Variants in PSD2 observed in about 807,000 individuals in gnomAD.
PSD2 encodes the protein PH and SEC7 domain-containing protein 2.
PSD2 carries 38 observed loss-of-function variants against 69.8 expected under a neutral mutation model. The observed-to-expected ratio is 0.54, with a 90% CI of 0.42 to 0.71. The LOEUF (loss-of-function observed/expected upper bound fraction) is 0.71. PSD2 is among the 30% of genes least tolerant of loss of function. The probability of loss-of-function intolerance (pLI) is 0.00; values close to 1 mark genes in which losing one functional copy is unlikely to be tolerated. For synonymous variants in PSD2, 412 were observed against 423.0 expected (o/e 0.97, Z 0.32); for missense variants, 943 against 1,014.5 (o/e 0.93, Z 0.96).
chr5:139,809,234 C>A (rs1759886969), intron 1 of PSD2, among the ~76,000 whole-genome samples, 157 bp from the exon 2 acceptor site: 1 of 152,194 alleles, frequency 6.6e-6, no homozygotes, highest in Non-Finnish European at 1.5e-5. Flanking sequence ...GGCAGCATGG[C>A]CCGAACCCAC....
the PSD2 span, among the ~76,000 whole-genome samples, chr5:139,788,218 C>T: frequency 1.3e-5 from 2 of 151,780 alleles, no homozygotes; most frequent in Admixed American, 1.3e-4. Flanking sequence ...GCCCGGCTCC[C>T]CCAGCCCGAG....
rs544828565 is a variant in PSD2, at chr5:139,814,725, C to T, written c.1016+361C>T. 2.7e-4 allele frequency among the ~76,000 whole-genome samples: 41 copies of T among 152,120 alleles called. No homozygotes were observed. In the East Asian group the frequency reaches 2.9e-3, roughly 11 times the overall value. On this transcript the variant is annotated intron_variant, in intron 4 of 14. Transcript: ENST00000274710. The surrounding 1 kb of genome is among the most constrained non-coding windows in gnomAD (Gnocchi z 4.4). ...CAGGGAGAAAGGAGAACCCGGGCCTCGGGGGACACCTCTGGGACCCAGAGC... is the reference window on the plus strand; with the variant it reads ...CAGGGAGAAAGGAGAACCCGGGCCTTGGGGGACACCTCTGGGACCCAGAGC...
chr5:139,755,593 T>C, the PSD2 span, among the ~76,000 whole-genome samples: 4 of 151,952 alleles, frequency 2.6e-5, no homozygotes, highest in South Asian at 8.4e-4. Context: ...GTGTCTGTCC[T>C]GCTTCTGGGT....
intron 8 of PSD2, among the ~76,000 whole-genome samples, chr5:139,835,216 C>A (rs527638773): frequency 1.3e-5 from 2 of 152,090 alleles, no homozygotes; most frequent in South Asian, 4.2e-4. Context: ...TTTGCCCACC[C>A]ATATCCTCAT....
At chr5:139,799,117 C>A (rs1759602415) in intron 1 of PSD2, among the ~76,000 whole-genome samples, 1 of 152,146 alleles carries the variant, frequency 6.6e-6, no homozygotes. Flanking sequence ...CTTCTCAGTG[C>A]ATGATATTGG....
At chr5:139,778,015 G>A in the PSD2 span, among the ~76,000 whole-genome samples, 2 of 152,234 alleles carry the variant, frequency 1.3e-5, no homozygotes, top group South Asian at 4.1e-4. Context: ...GGCAAACCCA[G>A]GCCCCCATGG....
At chr5:139,751,954 G>C in the PSD2 span, among the ~76,000 whole-genome samples, 1 of 151,890 alleles carries the variant, frequency 6.6e-6, no homozygotes, top group Non-Finnish European at 1.5e-5. Flanking sequence ...CACCATGCCC[G>C]GCTAATGTTA....
chr5:139,766,835 CTT>C, the PSD2 span, among the ~76,000 whole-genome samples: 1,572 of 138,194 alleles, frequency 0.011, 87 homozygotes, highest in Non-Finnish European at 0.015. Flanking sequence ...TTCCTTCTTT[CTT>C]TCTTTCTTTC....
chr5:139,835,637 C>T (rs959894020), intron 8 of PSD2, 86 bp from the exon 9 acceptor site: 2 of 1,387,028 alleles, frequency 1.4e-6, no homozygotes, highest in Non-Finnish European at 2.1e-6. Context: ...AAGGTGCTCC[C>T]TCACTGTACC....
intron 1 of PSD2, among the ~76,000 whole-genome samples, chr5:139,798,388 CTGGGCTGGCCTG>C (rs1311546409): frequency 1.3e-5 from 2 of 152,314 alleles, no homozygotes; most frequent in Admixed American, 6.5e-5. Context: ...CCTGCCTGGC[CTGGGCTGGCCTG>C]TGGGCTGGCC....
At chr5:139,786,338 G>A in the PSD2 span, among the ~76,000 whole-genome samples, 3 of 152,026 alleles carry the variant, frequency 2.0e-5, no homozygotes, top group Non-Finnish European at 2.9e-5. Context: ...AGCGAACAAA[G>A]ATCGCTGCCA....
At chr5:139,759,204 T>G in the PSD2 span, among the ~76,000 whole-genome samples, 1 of 152,092 alleles carries the variant, frequency 6.6e-6, no homozygotes, top group Non-Finnish European at 1.5e-5. Flanking sequence ...GCTGGGTGCC[T>G]GTGTGTGTTG....
chr5:139,808,586 G>A (rs989882282), intron 1 of PSD2, among the ~76,000 whole-genome samples: 4 of 152,196 alleles, frequency 2.6e-5, no homozygotes, highest in African/African-American at 7.2e-5. Flanking sequence ...GCCCCTTGGC[G>A]GCCTCCTCAT....
At chr5:139,795,488 G>A (rs1006743411), upstream of PSD2, among the ~76,000 whole-genome samples, 2 of 152,162 alleles carry the variant, frequency 1.3e-5, no homozygotes, top group Non-Finnish European at 2.9e-5. The surrounding 1 kb of genome is among the most constrained non-coding windows in gnomAD (Gnocchi z 4.5). Flanking sequence ...GAGGGCGGAG[G>A]TGGTTGGGTC....
At chr5:139,807,033 A>G (rs1270662724) in intron 1 of PSD2, among the ~76,000 whole-genome samples, 3 of 152,332 alleles carry the variant, frequency 2.0e-5, no homozygotes, top group South Asian at 2.1e-4. Context: ...ACTTGGGGGT[A>G]GGGCGGAGGG....
At chr5:139,770,803 T>A in the PSD2 span, among the ~76,000 whole-genome samples, 1 of 152,144 alleles carries the variant, frequency 6.6e-6, no homozygotes, top group African/African-American at 2.4e-5. Flanking sequence ...ATGAAAACAG[T>A]TGAGTAAGTT....
chr5:139,802,689 C>T (rs1053115575), intron 1 of PSD2, among the ~76,000 whole-genome samples: 1 of 152,066 alleles, frequency 6.6e-6, no homozygotes, highest in Non-Finnish European at 1.5e-5. Context: ...CAGCTGTAAA[C>T]ATGATTTGAA....
intron 7 of PSD2, among the ~76,000 whole-genome samples, chr5:139,830,568 T>TCC (rs55770348): frequency 0.042 from 5,497 of 129,548 alleles, 127 homozygotes; most frequent in African/African-American, 0.077. Flanking sequence ...CTTCCTTCCT[T>TCC]TCTTTCTTTC....
chr5:139,808,792 G>C (rs1336395638), intron 1 of PSD2, among the ~76,000 whole-genome samples: 1 of 152,222 alleles, frequency 6.6e-6, no homozygotes, highest in African/African-American at 2.4e-5. Flanking sequence ...GGCTATCCCT[G>C]TCTGTCTCCA....
Sources: allele counts gnomAD v4.1 joint callset (sites outside exome capture counted in the v4.1 genomes callset), GRCh38; gene constraint gnomAD v4.1.1; non-coding constraint Gnocchi (gnomAD v3.1); transcripts MANE v1.5; gene names NCBI Gene and HGNC (gene_info 2026-07-23, HGNC 2026-07-21).